HS6ST2: variants seen among roughly 807,000 people sequenced by gnomAD.
The protein encoded by HS6ST2 is heparan-sulfate 6-O-sulfotransferase 2.
Under a neutral mutation model 33.0 loss-of-function variants are expected in HS6ST2, and 17 were observed. The ratio of observed to expected loss-of-function variants is 0.52; its 90% CI spans 0.35 to 0.77. The LOEUF (loss-of-function observed/expected upper bound fraction) is 0.77. Ranked by LOEUF, HS6ST2 falls within the 30% of genes least tolerant of loss-of-function variation. The pLI is 0.01. For missense variants in HS6ST2, 519 were observed against 551.7 expected (o/e 0.94, Z 0.59); for synonymous variants, 248 against 237.1 (o/e 1.05, Z -0.42).
rs55664940 is a variant in HS6ST2 at position 132,829,199 on chromosome X, T to TATATATATATATATATATATATATACAC, written c.948-120706_948-120705insGTGTATATATATATATATATATATATAT. ...GAACATATATATATATATATATATA[T>TATATATATATATATATATATATATACAC]ACATACTTATATTTATATTTATCTA... On this transcript the variant is annotated intron_variant, in intron 2 of 4. Coordinates refer to ENST00000370833, the MANE Select transcript of HS6ST2 (RefSeq NM_001394073.1). 6.4e-3 allele frequency among the ~76,000 whole-genome samples: 464 copies of TATATATATATATATATATATATATACAC among 72,972 alleles called. 25 individuals carry two copies. The highest frequency in any genetic ancestry group is 8.5e-3 in the Non-Finnish European group (334 of 39,119). The allele number at this position is 72,972 out of a possible 115,157, so 63.4% of individuals were successfully genotyped here.
At chrX:132,800,300 T>G (rs960853214) in intron 2 of HS6ST2, among the ~76,000 whole-genome samples, 1 of 111,659 alleles carries the variant, frequency 9.0e-6, no homozygotes, top group Admixed American at 9.5e-5. Context: ...GAGAATCTAA[T>G]GCCTGATGAT....
At chrX:132,889,230 C>T (rs1282231383) in intron 2 of HS6ST2, among the ~76,000 whole-genome samples, 2 of 111,063 alleles carry the variant, frequency 1.8e-5, no homozygotes, top group African/African-American at 3.3e-5. Flanking sequence ...GATCTGTGTA[C>T]CCAATGAGCA....
intron 2 of HS6ST2, among the ~76,000 whole-genome samples, chrX:132,956,006 C>G (rs1419145950): frequency 9.0e-6 from 1 of 111,632 alleles, no homozygotes; most frequent in Non-Finnish European, 1.9e-5. Flanking sequence ...CCCAGCCCGC[C>G]CTTCGGTCCG....
intron 2 of HS6ST2, among the ~76,000 whole-genome samples, chrX:132,842,341 CATTT>C (rs2065714410): frequency 8.9e-6 from 1 of 111,914 alleles, no homozygotes; most frequent in African/African-American, 3.2e-5. Flanking sequence ...ACAGCAGTTT[CATTT>C]ATTTATTTAT....
At position 132,957,107 on chromosome X, in the gene HS6ST2, C is replaced by T. The variant is rs1283534915; in HGVS notation, c.648G>A (p.Leu216=). The part of the protein sequence containing the change: ...PRYNFTRGDL[L]RKVDFDIKGD... ...CCTTGATGTCGAAGTCTACCTTGCGCAGGAGGTCGCCGCGGGTGAAATTGT... is the reference window on the plus strand; with the variant it reads ...CCTTGATGTCGAAGTCTACCTTGCGTAGGAGGTCGCCGCGGGTGAAATTGT... The change falls in exon 2 of 5, where the codon CTG becomes CTA. Residue 216 remains leucine (L), a synonymous_variant. Coordinates refer to ENST00000370833, the MANE Select transcript of HS6ST2 (RefSeq NM_001394073.1). 2 of 1,210,041 alleles carry T rather than the reference C, an allele frequency of 1.7e-6. No individual in the cohort carries two copies. The highest frequency in any genetic ancestry group is 2.2e-6 in the Non-Finnish European group (2 of 895,194).
At chrX:132,935,254 AG>A (rs1164424099) in intron 2 of HS6ST2, among the ~76,000 whole-genome samples, 5 of 45 alleles carry the variant, frequency 0.11, no homozygotes, top group African/African-American at 0.33. Context: ...TAAACTACCA[AG>A]TTTTAGCAAC....
chrX:132,881,749 T>C (rs1332067102), intron 2 of HS6ST2, among the ~76,000 whole-genome samples: 6 of 111,880 alleles, frequency 5.4e-5, no homozygotes, highest in Non-Finnish European at 1.1e-4. Context: ...AGGGTTTTTA[T>C]GGTTTTAGGT....
chrX:132,819,923 A>G (rs1393196844), intron 2 of HS6ST2, among the ~76,000 whole-genome samples: 1 of 112,271 alleles, frequency 8.9e-6, no homozygotes, highest in East Asian at 2.8e-4. Flanking sequence ...CTTTTTTGAG[A>G]AGTAGAGAAA....
intron 2 of HS6ST2, among the ~76,000 whole-genome samples, chrX:132,837,970 G>A (rs1395615963): frequency 8.9e-6 from 1 of 112,189 alleles, no homozygotes; most frequent in Non-Finnish European, 1.9e-5. Flanking sequence ...AAAAGCACAG[G>A]TTTCTTTATG....
chrX:132,865,137 C>T (rs1194033999), intron 2 of HS6ST2, among the ~76,000 whole-genome samples: 2 of 83,833 alleles, frequency 2.4e-5, no homozygotes, highest in Non-Finnish European at 4.6e-5. Context: ...CTCCCCCCAC[C>T]CCACAACAGT....
At chrX:132,802,637 T>C (rs764428808) in intron 2 of HS6ST2, among the ~76,000 whole-genome samples, 4 of 109,820 alleles carry the variant, frequency 3.6e-5, no homozygotes, top group Non-Finnish European at 7.6e-5. Flanking sequence ...CGATAACAGG[T>C]GAAAATGCAC....
At chrX:132,939,904 TA>T (rs1239885842) in intron 2 of HS6ST2, among the ~76,000 whole-genome samples, 1 of 111,574 alleles carries the variant, frequency 9.0e-6, no homozygotes, top group Non-Finnish European at 1.9e-5. Flanking sequence ...ATACAATCCC[TA>T]AAAAAATCCC....
At chrX:132,946,971 GAAGGATTGGTAATACTT>G (rs1408315597) in intron 2 of HS6ST2, among the ~76,000 whole-genome samples, 1 of 111,360 alleles carries the variant, frequency 9.0e-6, no homozygotes, top group Non-Finnish European at 1.9e-5. Flanking sequence ...TGTGGTCGGT[GAAGGATTGGTAATACTT>G]ACAAATATAG....
At chrX:132,884,460 G>T (rs2066224805) in intron 2 of HS6ST2, among the ~76,000 whole-genome samples, 1 of 111,396 alleles carries the variant, frequency 9.0e-6, no homozygotes, top group Admixed American at 9.6e-5. Context: ...AAGAATAAAA[G>T]ATTATTCTTG....
At chrX:132,865,544 A>C (rs1176029929) in intron 2 of HS6ST2, among the ~76,000 whole-genome samples, 1 of 110,626 alleles carries the variant, frequency 9.0e-6, no homozygotes, top group African/African-American at 3.3e-5. Flanking sequence ...ATCCCTGAGG[A>C]ATCACCACAC....
intron 2 of HS6ST2, among the ~76,000 whole-genome samples, chrX:132,922,185 G>A (rs933318596): frequency 9.0e-6 from 1 of 111,416 alleles, no homozygotes; most frequent in South Asian, 3.7e-4. Context: ...GGCGGATCAC[G>A]AGGTCAGGAG....
intron 2 of HS6ST2, among the ~76,000 whole-genome samples, chrX:132,738,580 G>A (rs1051853061): frequency 8.9e-6 from 1 of 112,600 alleles, no homozygotes; most frequent in African/African-American, 3.2e-5. Context: ...TTGCAGAAAC[G>A]ATATTGTAGA....
At chrX:132,694,841 T>C (rs2064091165) in intron 3 of HS6ST2, among the ~76,000 whole-genome samples, 1 of 110,927 alleles carries the variant, frequency 9.0e-6, no homozygotes, top group South Asian at 3.9e-4. Context: ...GAGAAAAAGA[T>C]ATGCAAAAGA....
rs73239328 is a variant in HS6ST2, at chrX:132,781,327, T to C, written c.948-72833A>G. 3.4e-3 allele frequency among the ~76,000 whole-genome samples: 383 copies of C among 112,101 alleles called. 1 individual carries two copies. Among genetic ancestry groups the C allele is most frequent in the Non-Finnish European group, 5.1e-3 (271 of 53,197 alleles). ...CTAAGTAAAAAGAAGGGGTGTCTAC[T>C]TCTCCCTTGCAGAAAATAAGAGAAA... On this transcript the variant is annotated intron_variant, in intron 2 of 4. Transcript: ENST00000370833.
Sources: allele counts gnomAD v4.1 joint callset (sites outside exome capture counted in the v4.1 genomes callset), GRCh38; gene constraint gnomAD v4.1.1; transcripts MANE v1.5; gene names NCBI Gene and HGNC (gene_info 2026-07-23, HGNC 2026-07-21).